Variants in NADSYN1 observed in about 807,000 individuals in gnomAD.
NADSYN1 encodes glutamine-dependent NAD(+) synthetase.
A neutral mutation model predicts 99.3 loss-of-function variants in NADSYN1; 80 were observed. The observed-to-expected ratio is 0.81, with a 90% CI of 0.67 to 0.97. The LOEUF is 0.97. Ranked by LOEUF, NADSYN1 falls within the 50% of genes least tolerant of loss-of-function variation. The pLI, the probability that NADSYN1 is intolerant of heterozygous loss-of-function variation, is 0.00. For missense variants in NADSYN1, 859 were observed against 948.5 expected, an observed-to-expected ratio of 0.91 and a Z score of 1.24; for synonymous variants, 385 against 372.1, an observed-to-expected ratio of 1.03 and a Z score of -0.40.
rs550699650 is a variant in NADSYN1 at position 71,463,281 on chromosome 11, G to A, written c.264-151G>A. ...CTCCTTTTAGCTTTGATTTGAGGGT[G>A]CCACAGAAGAGCCTTGCAGTTCTCC... On this transcript the variant is annotated intron_variant, in intron 3 of 20. Transcript: ENST00000319023. The A allele has an allele frequency of 2.6e-3, 1,703 of 656,478 alleles. 3 individuals carry two copies. The highest frequency in any genetic ancestry group is 9.4e-3 in the Middle Eastern group (36 of 3,824). 40.7% of individuals were successfully genotyped at this position (656,478 alleles called of 1,614,324 possible). A position where few individuals can be genotyped will look rare whatever the true frequency, so the allele number is the denominator to read the frequency against.
chr11:71,477,548 GT>G, intron 9 of NADSYN1: 1 of 814,024 alleles, frequency 1.2e-6, no homozygotes, highest in Non-Finnish European at 1.7e-6. Context: ...CCACACTCGT[GT>G]TTAGCAAGGC....
At chr11:71,499,753 A>G (rs916215076) in intron 20 of NADSYN1, 1 of 152,210 alleles carries the variant, frequency 6.6e-6, no homozygotes, top group Non-Finnish European at 1.5e-5. Context: ...ACTGTCAACA[A>G]TGATAAATCA....
intron 3 of NADSYN1, 108 bp downstream of exon 3, chr11:71,458,652 A>G (rs2120396289): frequency 1.3e-6 from 1 of 795,670 alleles, no homozygotes; most frequent in Non-Finnish European, 2.2e-6. Flanking sequence ...CCATGTGTCC[A>G]GGGATACGAA....
intron 6 of NADSYN1, 79 bp from the exon 7 acceptor site, chr11:71,473,199 T>A (rs1307906266): frequency 7.6e-7 from 1 of 1,322,178 alleles, no homozygotes; most frequent in East Asian, 2.3e-5. Context: ...GGCTGCAGGA[T>A]GTCCGTGGCC....
chr11:71,491,323 G>A (rs973146768), intron 17 of NADSYN1, among the ~76,000 whole-genome samples: 5 of 152,252 alleles, frequency 3.3e-5, no homozygotes, highest in Non-Finnish European at 7.3e-5. Flanking sequence ...ATCAGTGTCC[G>A]GACCTTTCTT....
At position 71,480,935 on chromosome 11, in the gene NADSYN1, G is replaced by T. The variant is rs1235830274; in HGVS notation, c.998+56G>T. 7 of 1,601,154 alleles carry T rather than the reference G, an allele frequency of 4.4e-6. No homozygotes were observed. The African/African-American group carries it at 9.4e-5, about 21-fold the overall frequency. The stretch of plus-strand genomic sequence containing the variant: ...TGGCGTCTGTGTGGCCACGCCCCTG[G>T]GGTGGGGACTCCTGGAGGTCACGCA... On this transcript the variant is annotated intron_variant, in intron 11 of 20. Transcript: ENST00000319023.
intron 19 of NADSYN1, among the ~76,000 whole-genome samples, chr11:71,498,033 G>C (rs1949831429): frequency 6.6e-6 from 1 of 152,236 alleles, no homozygotes; most frequent in Non-Finnish European, 1.5e-5. Flanking sequence ...CAGCATCAGA[G>C]GCAGGGAGAC....
At chr11:71,495,860 GT>G (rs1949815371) in intron 18 of NADSYN1, among the ~76,000 whole-genome samples, 4 of 152,238 alleles carry the variant, frequency 2.6e-5, no homozygotes, top group Admixed American at 2.6e-4. Context: ...GCCCTGGGGT[GT>G]GGTAGGAATG....
At chr11:71,483,051 T>C in intron 14 of NADSYN1, 34 bp downstream of exon 14, 1 of 1,609,834 alleles carries the variant, frequency 6.2e-7, no homozygotes, top group Non-Finnish European at 8.5e-7. Context: ...GCATGGCAGG[T>C]GGCTGACAGA....
chr11:71,497,259 C>T, intron 18 of NADSYN1: 1 of 535,414 alleles, frequency 1.9e-6, no homozygotes, highest in Admixed American at 3.2e-5. Flanking sequence ...CACCGTTCAC[C>T]CGTTACGGTC....
intron 1 of NADSYN1, 117 bp downstream of exon 1, chr11:71,453,498 A>C (rs12791871): frequency 0.64 from 584,635 of 918,834 alleles, 205,129 homozygotes; most frequent in Non-Finnish European, 0.76. Context: ...GGCCCTGGGC[A>C]TGGGATCAGG....
chr11:71,484,811 G>A (rs1225118013), intron 15 of NADSYN1: 3 of 263,902 alleles, frequency 1.1e-5, no homozygotes, highest in African/African-American at 2.1e-5. Flanking sequence ...TTACATGAGT[G>A]TATGAGAGTA....
chr11:71,485,523 C>T lies in NADSYN1; in HGVS notation c.1456-19C>T, dbSNP rs748736041. 5 of 1,535,536 alleles carry T rather than the reference C, an allele frequency of 3.3e-6. No homozygotes were observed. In the South Asian group the frequency reaches 3.6e-5, roughly 11 times the overall value. On this transcript the variant is annotated intron_variant, in intron 15 of 20. Coordinates refer to ENST00000319023, the MANE Select transcript of NADSYN1 (RefSeq NM_018161.5). ...TCCTTTGCAAGGGAACCCGTTATTT[C>T]CTCTGTTGTGTTTTCCAGGCTCGAA...
chr11:71,470,884 C>A (rs997173731), intron 5 of NADSYN1, among the ~76,000 whole-genome samples: 1 of 152,150 alleles, frequency 6.6e-6, no homozygotes, highest in Non-Finnish European at 1.5e-5. Flanking sequence ...CCATCACTGT[C>A]TTCGTTTATT....
At chr11:71,465,008 G>A (rs186277244) in intron 5 of NADSYN1, among the ~76,000 whole-genome samples, 163 of 152,166 alleles carry the variant, frequency 1.1e-3, no homozygotes, top group African/African-American at 3.6e-3. Flanking sequence ...CAATGGTGCA[G>A]GCAGTAAAGG....
intron 15 of NADSYN1, chr11:71,484,993 A>G (rs1949733188): frequency 1.1e-5 from 2 of 174,450 alleles, no homozygotes; most frequent in South Asian, 1.4e-4. Context: ...GTGGGTGTGC[A>G]TGAGTGTGAG....
rs752928854 is a variant in NADSYN1 at position 71,490,899 on chromosome 11, A to G, written c.1617A>G (p.Ile539Met). ...GCTCCAGTGCGGACATCAACCCCAT[A>G]GGCGGGATCAGCAAGACGGACCTCA... ...YDCSSADINP[I>M]GGISKTDLRA... Residue 539 changes from isoleucine to methionine, a missense_variant, in exon 17 of 21, where the codon ATA becomes ATG. Physicochemically the swap from Ile to Met is conservative, Grantham distance 10. Coordinates refer to ENST00000319023, the MANE Select transcript of NADSYN1 (RefSeq NM_018161.5). 21 of 1,614,070 alleles carry G rather than the reference A, an allele frequency of 1.3e-5. No homozygotes were observed. Among genetic ancestry groups the G allele is most frequent in the Non-Finnish European group, 1.7e-5 (20 of 1,180,032 alleles).
intron 14 of NADSYN1, among the ~76,000 whole-genome samples, chr11:71,483,858 C>T (rs568748309): frequency 6.6e-5 from 10 of 152,304 alleles, no homozygotes; most frequent in African/African-American, 2.2e-4. Context: ...TAGTCACCCA[C>T]GAAGAGGAGT....
intron 5 of NADSYN1, among the ~76,000 whole-genome samples, chr11:71,464,832 C>T (rs540280556): frequency 2.8e-4 from 39 of 140,074 alleles, no homozygotes; most frequent in African/African-American, 1.0e-3. Context: ...TGCGCCACTG[C>T]ACTCCAGCCT....
Sources: gnomAD v4.1 joint callset for allele counts (sites outside exome capture counted in the v4.1 genomes callset) on GRCh38, gnomAD v4.1.1 for gene constraint, MANE v1.5 for transcripts, NCBI Gene and HGNC (gene_info 2026-07-23, HGNC 2026-07-21) for gene names.